HTATIP2: variants seen among roughly 807,000 people sequenced by gnomAD.
HTATIP2 encodes the protein protein HTATIP2.
In HTATIP2, 26 loss-of-function variants were observed where a neutral mutation model predicts 24.7. The ratio of observed to expected loss-of-function variants is 1.05; its 90% CI spans 0.77 to 1.46. The LOEUF (loss-of-function observed/expected upper bound fraction) is 1.46. HTATIP2 is among the 40% of genes most tolerant of loss of function. The pLI is 0.00. For missense variants in HTATIP2, 284 were observed against 289.6 expected, an observed-to-expected ratio of 0.98 and a Z score of 0.14; for synonymous variants, 99 against 113.2, an observed-to-expected ratio of 0.87 and a Z score of 0.79.
intron 3 of HTATIP2, among the ~76,000 whole-genome samples, chr11:20,379,144 G>A (rs1364345641): frequency 6.6e-6 from 1 of 152,210 alleles, no homozygotes; most frequent in Non-Finnish European, 1.5e-5. Context: ...CAAGGCCTAT[G>A]CCACTAGCTA....
At chr11:20,368,365 G>T (rs1301766105) in intron 2 of HTATIP2, among the ~76,000 whole-genome samples, 3 of 152,168 alleles carry the variant, frequency 2.0e-5, no homozygotes, top group African/African-American at 7.2e-5. Context: ...GATGCAAAGA[G>T]TAATTCTATG....
chr11:20,382,886 G>T, intron 4 of HTATIP2, 94 bp from the exon 5 acceptor site: 1 of 804,210 alleles, frequency 1.2e-6, no homozygotes, highest in Non-Finnish European at 2.0e-6. Flanking sequence ...ATATTGAGGG[G>T]ATACAGTTTT....
At chr11:20,365,740 G>A (rs1262478107) in intron 1 of HTATIP2, among the ~76,000 whole-genome samples, 1 of 152,040 alleles carries the variant, frequency 6.6e-6, no homozygotes, top group African/African-American at 2.4e-5. Flanking sequence ...GGGAGTCCGA[G>A]GCAGGGGATC....
At chr11:20,364,846 A>G (rs1048926899) in intron 1 of HTATIP2, among the ~76,000 whole-genome samples, 1 of 152,146 alleles carries the variant, frequency 6.6e-6, no homozygotes, top group Non-Finnish European at 1.5e-5. Context: ...ATTGTCAGGG[A>G]TTCTGAAACT....
intron 3 of HTATIP2, among the ~76,000 whole-genome samples, chr11:20,381,917 AT>A (rs1264887835): frequency 1.3e-5 from 2 of 152,232 alleles, no homozygotes; most frequent in African/African-American, 4.8e-5. Flanking sequence ...ATCTGTTTTA[AT>A]ATCAATAAAG....
At chr11:20,366,251 A>T (rs753583262) in intron 1 of HTATIP2, among the ~76,000 whole-genome samples, 8 of 150,958 alleles carry the variant, frequency 5.3e-5, no homozygotes, top group Non-Finnish European at 8.9e-5. Flanking sequence ...ACAGGTGCCT[A>T]CCACCACAAC....
intron 2 of HTATIP2, among the ~76,000 whole-genome samples, chr11:20,373,742 G>A (rs1420308259): frequency 6.6e-6 from 1 of 152,190 alleles, no homozygotes; most frequent in Non-Finnish European, 1.5e-5. Context: ...GAAAAATTTA[G>A]TGTCTTAGAA....
chr11:20,378,871 G>C lies in HTATIP2; in HGVS notation c.441+2154G>C, dbSNP rs188959565. ...TGGGAAACGTGGCAAAACCCTGTCTGTACTAAAAATACAAAAATTAACTGG... is the reference window on the plus strand; with the variant it reads ...TGGGAAACGTGGCAAAACCCTGTCTCTACTAAAAATACAAAAATTAACTGG... On this transcript the variant is annotated intron_variant, in intron 3 of 4. Coordinates refer to ENST00000451739, the MANE Select transcript of HTATIP2 (RefSeq NM_001098522.2). Among the ~76,000 whole-genome samples, 42 of 152,156 alleles carry C rather than the reference G, an allele frequency of 2.8e-4. No individual in the cohort carries two copies. In the East Asian group the frequency reaches 7.5e-3, roughly 27 times the overall value.
At chr11:20,370,108 C>T (rs2064755707) in intron 2 of HTATIP2, among the ~76,000 whole-genome samples, 1 of 152,180 alleles carries the variant, frequency 6.6e-6, no homozygotes. Context: ...CTTGGGAGAT[C>T]CTGATGCAGT....
At position 20,382,786 on chromosome 11, in the gene HTATIP2, C is replaced by T. The variant is rs553122444; in HGVS notation, c.504-194C>T. On this transcript the variant is annotated intron_variant, in intron 4 of 4. Coordinates refer to ENST00000451739, the MANE Select transcript of HTATIP2 (RefSeq NM_001098522.2). ...CAGTCCCATCACACTAGTCCTATTC[C>T]ATCCTTAAGACCTCATTAAACTTAA... Among the ~76,000 whole-genome samples the T allele has an allele frequency of 7.9e-5, 12 of 152,182 alleles. No individual in the cohort carries two copies. The East Asian group carries it at 2.1e-3, about 27-fold the overall frequency.
chr11:20,376,670 T>A lies in HTATIP2; in HGVS notation c.394T>A (p.Ser132Thr), dbSNP rs574384732. The change falls in exon 3 of 5, where the codon TCT becomes ACT. Residue 132 changes from serine to threonine, a missense_variant. Coordinates refer to ENST00000451739, the MANE Select transcript of HTATIP2 (RefSeq NM_001098522.2). ...GTGCAAACATTTCAACTTGCTATCC[T>A]CTAAAGGAGCTGATAAATCAAGCAA... The part of the protein sequence containing the change: ...GGCKHFNLLS[S>T]KGADKSSNFL... The A allele has an allele frequency of 7.4e-6, 12 of 1,613,028 alleles. No individual in the cohort carries two copies. The African/African-American group carries it at 1.5e-4, about 20-fold the overall frequency.
At chr11:20,366,250 T>A (rs1440935865) in intron 1 of HTATIP2, among the ~76,000 whole-genome samples, 1 of 151,414 alleles carries the variant, frequency 6.6e-6, no homozygotes, top group South Asian at 2.1e-4. Context: ...TACAGGTGCC[T>A]ACCACCACAA....
chr11:20,364,514 C>A, intron 1 of HTATIP2, 82 bp downstream of exon 1: 2 of 1,232,432 alleles, frequency 1.6e-6, no homozygotes, highest in Non-Finnish European at 1.1e-6. Flanking sequence ...CTGAATACTG[C>A]CCTGCCAGTG....
chr11:20,383,386 A>T lies in HTATIP2; in HGVS notation c.*181A>T, dbSNP rs1848551291. On this transcript the variant is annotated 3_prime_UTR_variant, in exon 5 of 5. Coordinates refer to ENST00000451739, the MANE Select transcript of HTATIP2 (RefSeq NM_001098522.2). ...GTTCAGAGCCTGGTTATACATATAG[A>T]TCACTCAGGGAGCTTTGGAAAAATA... is the stretch of plus-strand genomic sequence containing the variant. 1.7e-6 allele frequency: 1 copy of T among 584,384 alleles called. No homozygotes were observed. The highest frequency in any genetic ancestry group is 3.0e-6 in the Non-Finnish European group (1 of 331,362). The allele number at this position is 584,384 out of a possible 1,614,324, so 36.2% of individuals were successfully genotyped here. A position where few individuals can be genotyped will look rare whatever the true frequency, so the allele number is the denominator to read the frequency against.
intron 3 of HTATIP2, among the ~76,000 whole-genome samples, chr11:20,380,048 G>T (rs1260541473): frequency 3.3e-5 from 5 of 152,238 alleles, no homozygotes; most frequent in Admixed American, 1.3e-4. Flanking sequence ...CTCCAGCGAT[G>T]AACGTTTTCT....
chr11:20,365,108 C>G (rs147358850), intron 1 of HTATIP2, among the ~76,000 whole-genome samples: 3 of 151,884 alleles, frequency 2.0e-5, no homozygotes, highest in Non-Finnish European at 4.4e-5. Context: ...CTCAGCCTCC[C>G]GAGTAACTGG....
At chr11:20,367,306 C>T (rs1383931783) in intron 2 of HTATIP2, 25 bp downstream of exon 2, 1 of 1,613,478 alleles carries the variant, frequency 6.2e-7, no homozygotes, top group African/African-American at 1.3e-5. Flanking sequence ...TGCTCTTTTC[C>T]CTTTTTGCTG....
In HTATIP2 at chr11:20,382,210, A is replaced by G; in HGVS notation, c.474A>G (p.Lys158=). ...TAGAAGCCAAGGTTGAAGAATTAAAATTTGATCGTTACTCTGTATTTAGGC... is the reference window on the plus strand; with the variant it reads ...TAGAAGCCAAGGTTGAAGAATTAAAGTTTGATCGTTACTCTGTATTTAGGC... ...GEVEAKVEEL[K]FDRYSVFRPG... Residue 158 remains lysine, a synonymous_variant, in exon 4 of 5, where the codon AAA becomes AAG. Coordinates refer to ENST00000451739, the MANE Select transcript of HTATIP2 (RefSeq NM_001098522.2). The G allele has an allele frequency of 6.3e-7, 1 of 1,593,854 alleles. No homozygotes were observed. Among genetic ancestry groups the G allele is most frequent in the Non-Finnish European group, 8.6e-7 (1 of 1,161,638 alleles).
At chr11:20,369,829 T>A (rs1362332225) in intron 2 of HTATIP2, among the ~76,000 whole-genome samples, 1 of 152,214 alleles carries the variant, frequency 6.6e-6, no homozygotes, top group Admixed American at 6.5e-5. Context: ...AACATACGCA[T>A]TTTGGGGGGA....
Sources: allele counts gnomAD v4.1 joint callset (sites outside exome capture counted in the v4.1 genomes callset), GRCh38; gene constraint gnomAD v4.1.1; transcripts MANE v1.5; gene names NCBI Gene and HGNC (gene_info 2026-07-23, HGNC 2026-07-21).